Variants in COL24A1 observed in about 807,000 individuals in gnomAD.
COL24A1 encodes the protein collagen type XXIV alpha 1 chain.
COL24A1 carries 224 observed loss-of-function variants against 253.9 expected under a neutral mutation model. That is an observed-to-expected ratio of 0.88 (90% confidence interval 0.79 to 0.99). The LOEUF (loss-of-function observed/expected upper bound fraction) is 0.99. Ranked by LOEUF, COL24A1 falls within the 50% of genes least tolerant of loss-of-function variation. The pLI, the probability that COL24A1 is intolerant of heterozygous loss-of-function variation, is 0.00. For missense variants in COL24A1, 2,131 were observed against 2,068.5 expected (o/e 1.03, Z -0.59); for synonymous variants, 685 against 673.7 (o/e 1.02, Z -0.26).
intron 1 of COL24A1, among the ~76,000 whole-genome samples, chr1:86,150,502 T>A (rs1439894163): frequency 6.6e-6 from 1 of 152,192 alleles, no homozygotes; most frequent in African/African-American, 2.4e-5. Flanking sequence ...TAGTTAGATG[T>A]CCAAAGAAAG....
At chr1:85,988,519 A>G (rs1252176565) in intron 19 of COL24A1, among the ~76,000 whole-genome samples, 1 of 152,092 alleles carries the variant, frequency 6.6e-6, no homozygotes, top group East Asian at 1.9e-4. Context: ...CAATAATTGT[A>G]ATAAGCTAGT....
chr1:85,895,223 A>G (rs1052329475), intron 31 of COL24A1, among the ~76,000 whole-genome samples: 2 of 151,990 alleles, frequency 1.3e-5, no homozygotes, highest in African/African-American at 4.8e-5. Flanking sequence ...CCTCTCAGGG[A>G]AAAAAATGTA....
chr1:85,913,643 G>A (rs1685587241), intron 24 of COL24A1, among the ~76,000 whole-genome samples: 1 of 152,284 alleles, frequency 6.6e-6, no homozygotes, highest in East Asian at 1.9e-4. Flanking sequence ...GAGTTACTGT[G>A]TTGGCTATGT....
At chr1:86,138,605 T>G (rs1254964819) in intron 2 of COL24A1, among the ~76,000 whole-genome samples, 1 of 152,182 alleles carries the variant, frequency 6.6e-6, no homozygotes, top group Admixed American at 6.5e-5. Flanking sequence ...TGTGACTTGC[T>G]CCTCCTGGCC....
chr1:86,094,269 G>A (rs1333812522), intron 5 of COL24A1, among the ~76,000 whole-genome samples: 2 of 152,048 alleles, frequency 1.3e-5, no homozygotes. Context: ...ACTGGATAAA[G>A]AAAATGTGGT....
At chr1:86,104,262 C>T (rs575392494) in intron 5 of COL24A1, among the ~76,000 whole-genome samples, 160 of 152,240 alleles carry the variant, frequency 1.1e-3, no homozygotes, top group Non-Finnish European at 2.0e-3. Context: ...GCTATTTTGC[C>T]TGTCAGCTCC....
At chr1:86,006,872 T>G (rs1350035433) in intron 19 of COL24A1, among the ~76,000 whole-genome samples, 3 of 152,100 alleles carry the variant, frequency 2.0e-5, no homozygotes, top group Non-Finnish European at 4.4e-5. Context: ...AATAAGCATA[T>G]GAACAGATGC....
intron 3 of COL24A1, among the ~76,000 whole-genome samples, chr1:86,122,768 C>A (rs1647576991): frequency 6.6e-6 from 1 of 151,954 alleles, no homozygotes; most frequent in Non-Finnish European, 1.5e-5. Context: ...TCACTGCTGC[C>A]AACCTAGATA....
chr1:85,999,466 TA>T (rs1181577977), intron 19 of COL24A1, among the ~76,000 whole-genome samples: 7 of 151,520 alleles, frequency 4.6e-5, no homozygotes, highest in Non-Finnish European at 1.0e-4. Context: ...AAATAAAAAA[TA>T]AAAAACTTAG....
At chr1:85,744,877 A>G in intron 56 of COL24A1, 43 bp from the exon 57 acceptor site, 1 of 1,524,992 alleles carries the variant, frequency 6.6e-7, no homozygotes, top group Non-Finnish European at 9.0e-7. Flanking sequence ...AAAAATCCTG[A>G]GGACCAACAT....
chr1:85,964,862 T>C (rs964729955), intron 23 of COL24A1, 147 bp downstream of exon 23: 21 of 617,852 alleles, frequency 3.4e-5, no homozygotes, highest in African/African-American at 1.7e-4. Flanking sequence ...TATAAAGATA[T>C]AGATTCTCAG....
chr1:85,802,247 C>T (rs11161675), intron 47 of COL24A1, among the ~76,000 whole-genome samples: 3,253 of 152,266 alleles, frequency 0.021, 105 homozygotes, highest in African/African-American at 0.075. Flanking sequence ...TTAGATAATG[C>T]TCAATTACCT....
chr1:85,989,561 T>G (rs1384456174), intron 19 of COL24A1, among the ~76,000 whole-genome samples: 3 of 151,976 alleles, frequency 2.0e-5, no homozygotes, highest in Non-Finnish European at 4.4e-5. Flanking sequence ...GTAGCCAGAC[T>G]GATCATTCTA....
At chr1:85,943,389 A>G (rs1346376795) in intron 24 of COL24A1, among the ~76,000 whole-genome samples, 1 of 152,182 alleles carries the variant, frequency 6.6e-6, no homozygotes, top group Non-Finnish European at 1.5e-5. Flanking sequence ...TTTCTCATAT[A>G]TCTGTATATA....
At chr1:85,811,252 A>T (rs1396264890) in intron 47 of COL24A1, among the ~76,000 whole-genome samples, 2 of 152,014 alleles carry the variant, frequency 1.3e-5, no homozygotes, top group African/African-American at 4.8e-5. Context: ...GTTTCTACTA[A>T]CTATTATGCA....
intron 37 of COL24A1, among the ~76,000 whole-genome samples, chr1:85,864,971 G>A (rs1361777361): frequency 6.6e-6 from 1 of 152,046 alleles, no homozygotes; most frequent in Non-Finnish European, 1.5e-5. Flanking sequence ...CTCATGCAGA[G>A]TTATGCATTT....
intron 14 of COL24A1, chr1:86,029,741 A>G (rs571022978): frequency 6.6e-6 from 1 of 151,870 alleles, no homozygotes; most frequent in South Asian, 2.1e-4. Context: ...TCAGCCTCCT[A>G]AACAGCAGAG....
intron 53 of COL24A1, among the ~76,000 whole-genome samples, chr1:85,771,447 C>T (rs940533737): frequency 6.6e-6 from 1 of 152,096 alleles, no homozygotes; most frequent in Non-Finnish European, 1.5e-5. Flanking sequence ...TTTTTTATGG[C>T]TGCATAGTAT....
chr1:86,131,161 T>C (rs1354715428), intron 2 of COL24A1, among the ~76,000 whole-genome samples: 7 of 152,038 alleles, frequency 4.6e-5, no homozygotes, highest in African/African-American at 1.4e-4. Flanking sequence ...TCCGTAGTTA[T>C]CAACATTCTT....
Sources: gnomAD v4.1 joint callset for allele counts (sites outside exome capture counted in the v4.1 genomes callset) on GRCh38, gnomAD v4.1.1 for gene constraint, MANE v1.5 for transcripts, NCBI Gene and HGNC (gene_info 2026-07-23, HGNC 2026-07-21) for gene names.